Variants in MKLN1 observed in about 807,000 individuals in gnomAD.
The protein encoded by MKLN1 is muskelin.
A neutral mutation model predicts 99.0 loss-of-function variants in MKLN1; 18 were observed. The observed-to-expected ratio is 0.18, with a 90% CI of 0.13 to 0.27. The LOEUF is 0.27. Among genes scored for constraint, MKLN1 ranks in the 10% least tolerant of loss-of-function variants. MKLN1 has a pLI of 1.00. For synonymous variants in MKLN1, 288 were observed against 293.2 expected (o/e 0.98, Z 0.18); for missense variants, 621 against 875.9 (o/e 0.71, Z 3.67).
At chr7:131,441,157 G>A (rs1224834885) in intron 10 of MKLN1, among the ~76,000 whole-genome samples, 3 of 152,168 alleles carry the variant, frequency 2.0e-5, no homozygotes, top group African/African-American at 7.2e-5. Flanking sequence ...CCAAGAAGTA[G>A]CAGGAAAAAC....
chr7:131,193,380 T>A (rs927383070), intron 2 of MKLN1, among the ~76,000 whole-genome samples: 1 of 152,148 alleles, frequency 6.6e-6, no homozygotes. Flanking sequence ...TATTATTATT[T>A]TTTGAGACGG....
In MKLN1 at chr7:131,487,300, GC is replaced by G. The variant is rs775808079; in HGVS notation, c.2087-305del. Among the ~76,000 whole-genome samples, 31 of 152,246 alleles carry G rather than the reference GC, an allele frequency of 2.0e-4. No individual in the cohort carries two copies. Among genetic ancestry groups the G allele is most frequent in the Non-Finnish European group, 8.8e-5 (6 of 68,004 alleles). ...GATCAGTATTATTTGTAACTAAAGT[GC>G]CAGTCCTTCTGCTAGACGCTTTTCA... On this transcript the variant is annotated intron_variant, in intron 17 of 17. Transcript: ENST00000352689. This position sits in a 1 kb window ranked among gnomAD's most constrained non-coding sequence, Gnocchi z 4.7.
intron 3 of MKLN1, among the ~76,000 whole-genome samples, chr7:131,244,519 T>A (rs1797455682): frequency 1.3e-5 from 2 of 152,236 alleles, no homozygotes; most frequent in South Asian, 4.1e-4. Flanking sequence ...CTCTCCATCC[T>A]CTGGATCCCT....
chr7:131,225,070 C>CAA (rs151006219), intron 3 of MKLN1, among the ~76,000 whole-genome samples: 11 of 102,572 alleles, frequency 1.1e-4, no homozygotes, highest in South Asian at 3.1e-4. Flanking sequence ...GACTGTGTCT[C>CAA]AAAAAAAAAA....
intron 1 of MKLN1, among the ~76,000 whole-genome samples, chr7:131,338,552 G>C (rs1799315194): frequency 6.6e-6 from 1 of 152,148 alleles, no homozygotes. Flanking sequence ...ATTTAATACA[G>C]TTTTTCTAGT....
At chr7:131,386,096 C>T (rs1358197338) in intron 2 of MKLN1, among the ~76,000 whole-genome samples, 3 of 151,546 alleles carry the variant, frequency 2.0e-5, no homozygotes, top group Non-Finnish European at 2.9e-5. Context: ...TCACTGCAAC[C>T]TCCATCTCTA....
intron 3 of MKLN1, among the ~76,000 whole-genome samples, chr7:131,289,818 A>G (rs1420116926): frequency 2.0e-5 from 3 of 152,152 alleles, no homozygotes; most frequent in Non-Finnish European, 2.9e-5. Context: ...TGTTAGGTAA[A>G]TAAAATATTT....
chr7:131,124,629 C>A (rs933478463), intron 1 of MKLN1, among the ~76,000 whole-genome samples: 1 of 152,176 alleles, frequency 6.6e-6, no homozygotes, highest in African/African-American at 2.4e-5. Flanking sequence ...TGTGCCTCCC[C>A]ACCCCTCTGC....
chr7:131,222,914 C>T (rs571659643), intron 3 of MKLN1, among the ~76,000 whole-genome samples: 3 of 151,088 alleles, frequency 2.0e-5, no homozygotes, highest in African/African-American at 7.3e-5. Flanking sequence ...TGGTGGTGCG[C>T]ACCTGTTATC....
At chr7:131,389,782 G>A (rs1794143973) in intron 4 of MKLN1, among the ~76,000 whole-genome samples, 1 of 151,740 alleles carries the variant, frequency 6.6e-6, no homozygotes, top group African/African-American at 2.4e-5. Flanking sequence ...CCAGTTACTC[G>A]GGAAGCTGAG....
At chr7:131,271,795 G>C (rs1797889557) in intron 3 of MKLN1, among the ~76,000 whole-genome samples, 1 of 151,914 alleles carries the variant, frequency 6.6e-6, no homozygotes, top group Non-Finnish European at 1.5e-5. Flanking sequence ...TGCTGTTCCA[G>C]CTACTCAGGA....
At chr7:131,264,573 T>A (rs1797780046) in intron 3 of MKLN1, among the ~76,000 whole-genome samples, 2 of 152,222 alleles carry the variant, frequency 1.3e-5, no homozygotes, top group South Asian at 2.1e-4. Context: ...ACTTTTGTTT[T>A]ATAGCAATTA....
chr7:131,217,693 G>A (rs1797004227), intron 3 of MKLN1, among the ~76,000 whole-genome samples: 1 of 152,180 alleles, frequency 6.6e-6, no homozygotes, highest in Non-Finnish European at 1.5e-5. Flanking sequence ...GTGAAACTCT[G>A]TCTCAAAAAA....
chr7:131,119,305 C>T (rs1795325465), intron 1 of MKLN1, among the ~76,000 whole-genome samples: 3 of 152,240 alleles, frequency 2.0e-5, no homozygotes, highest in East Asian at 1.9e-4. Context: ...CAGGCCACAC[C>T]GATGCAAGCG....
At chr7:131,304,574 T>G (rs1450589151) in intron 3 of MKLN1, among the ~76,000 whole-genome samples, 1 of 152,182 alleles carries the variant, frequency 6.6e-6, no homozygotes, top group Non-Finnish European at 1.5e-5. Context: ...AGAGCTTGCC[T>G]ATGGGATAGC....
intron 17 of MKLN1, among the ~76,000 whole-genome samples, chr7:131,479,608 C>T (rs866456188): frequency 4.0e-5 from 6 of 150,418 alleles, no homozygotes; most frequent in East Asian, 4.0e-4. Flanking sequence ...AGGAGGATCA[C>T]GAGGTCAGGA....
intron 2 of MKLN1, among the ~76,000 whole-genome samples, chr7:131,179,665 C>T (rs1796351085): frequency 6.6e-6 from 1 of 151,826 alleles, no homozygotes; most frequent in African/African-American, 2.4e-5. Context: ...ACCTCCACCT[C>T]CTGGGTTCAA....
At chr7:131,299,201 C>G (rs573685139) in intron 3 of MKLN1, among the ~76,000 whole-genome samples, 2 of 152,282 alleles carry the variant, frequency 1.3e-5, no homozygotes, top group Admixed American at 6.5e-5. Context: ...AATGCCTCCT[C>G]TCTGTAATTA....
intron 9 of MKLN1, among the ~76,000 whole-genome samples, chr7:131,433,694 A>G (rs2116453385): frequency 6.6e-6 from 1 of 152,228 alleles, no homozygotes; most frequent in African/African-American, 2.4e-5. Context: ...CTGTTCTATT[A>G]TATTTTGGTC....
Sources: allele counts gnomAD v4.1 joint callset (sites outside exome capture counted in the v4.1 genomes callset), GRCh38; gene constraint gnomAD v4.1.1; non-coding constraint Gnocchi (gnomAD v3.1); transcripts MANE v1.5; gene names NCBI Gene and HGNC (gene_info 2026-07-23, HGNC 2026-07-21).